Variants in SYT1 observed in about 807,000 individuals in gnomAD.
SYT1 encodes synaptotagmin-1.
In SYT1, 8 loss-of-function variants were observed where a neutral mutation model predicts 44.8. That is an observed-to-expected ratio of 0.18 (90% CI 0.10 to 0.32). The LOEUF (loss-of-function observed/expected upper bound fraction) is 0.32, where lower values mean the gene tolerates loss of function less well. Among genes scored for constraint, SYT1 ranks in the 10% least tolerant of loss-of-function variants. The pLI, the probability that SYT1 is intolerant of heterozygous loss-of-function variation, is 1.00. For missense variants in SYT1, 286 were observed against 509.3 expected, an observed-to-expected ratio of 0.56 and a Z score of 4.22; for synonymous variants, 154 against 188.8, an observed-to-expected ratio of 0.82 and a Z score of 1.51.
At chr12:79,043,719 T>C (rs1002397355) in intron 2 of SYT1, among the ~76,000 whole-genome samples, 13 of 152,188 alleles carry the variant, frequency 8.5e-5, no homozygotes, top group African/African-American at 3.1e-4. Context: ...TTCTTCCTAG[T>C]CTCCATGGTC....
At chr12:78,977,568 T>A (rs112568934) in intron 1 of SYT1, 1 of 152,200 alleles carries the variant, frequency 6.6e-6, no homozygotes, top group Admixed American at 6.5e-5. Flanking sequence ...TTTTGAAATG[T>A]TTGTTCTTCT....
intron 1 of SYT1, among the ~76,000 whole-genome samples, chr12:78,967,592 A>G (rs1307581417): frequency 1.3e-5 from 2 of 152,170 alleles, no homozygotes; most frequent in South Asian, 2.1e-4. Context: ...GAAACACAAA[A>G]TAAGAAAACT....
Position 78,974,030 on chromosome 12 carries a change from A to G in SYT1, c.-216-3769A>G, listed in dbSNP as rs968052661. Among the ~76,000 whole-genome samples, 4 of 135,196 alleles carry G rather than the reference A, an allele frequency of 3.0e-5. No homozygotes were observed. The Admixed American group carries it at 3.1e-4, about 11-fold the overall frequency. The allele number at this position is 135,196 out of a possible 152,430, so 88.7% of individuals were successfully genotyped here. A position where few individuals can be genotyped will look rare whatever the true frequency, so the allele number is the denominator to read the frequency against. ...GACAAGGATATGTTGTGAGAAATGC[A>G]TCATTAGGCATTTTGTCATTGGGTG... On this transcript the variant is annotated intron_variant, in intron 1 of 10. Coordinates refer to ENST00000261205, the MANE Select transcript of SYT1 (RefSeq NM_005639.3).
chr12:79,213,690 C>T (rs1337173563), intron 3 of SYT1, among the ~76,000 whole-genome samples: 5 of 152,214 alleles, frequency 3.3e-5, no homozygotes, highest in African/African-American at 4.8e-5. Flanking sequence ...TTTGGGAGGC[C>T]GAAGCGGGCG....
chr12:79,315,196 T>C (rs1159037551), intron 8 of SYT1, among the ~76,000 whole-genome samples: 3 of 152,142 alleles, frequency 2.0e-5, no homozygotes, highest in African/African-American at 4.8e-5. Context: ...TTCTTTATTA[T>C]TTTTATATTA....
intron 2 of SYT1, among the ~76,000 whole-genome samples, chr12:79,015,811 T>G (rs539402517): frequency 6.6e-6 from 1 of 152,300 alleles, no homozygotes; most frequent in South Asian, 2.1e-4. Context: ...CTATTTAATG[T>G]ATTCTGCTAG....
At chr12:78,898,117 C>T (rs546560792) in intron 1 of SYT1, among the ~76,000 whole-genome samples, 3 of 151,922 alleles carry the variant, frequency 2.0e-5, no homozygotes, top group East Asian at 3.9e-4. Flanking sequence ...CAGATATTTG[C>T]CCTTGCTACA....
chr12:79,214,088 T>G (rs1001416737), intron 3 of SYT1, among the ~76,000 whole-genome samples: 5 of 152,324 alleles, frequency 3.3e-5, no homozygotes, highest in Admixed American at 2.6e-4. Context: ...ACAAACAATA[T>G]TATCTCTCAA....
chr12:79,130,325 C>T (rs1234606555), intron 3 of SYT1, among the ~76,000 whole-genome samples: 5 of 152,142 alleles, frequency 3.3e-5, no homozygotes. Flanking sequence ...AACTGGAACA[C>T]ACAGTTAATC....
chr12:79,220,868 A>C (rs1875118424), intron 4 of SYT1, among the ~76,000 whole-genome samples: 1 of 152,162 alleles, frequency 6.6e-6, no homozygotes, highest in South Asian at 2.1e-4. Context: ...ATTCTGAGGA[A>C]TGTTTCATGT....
intron 1 of SYT1, among the ~76,000 whole-genome samples, chr12:78,891,735 TGCTC>T (rs1875062305): frequency 6.6e-6 from 1 of 151,330 alleles, no homozygotes; most frequent in Non-Finnish European, 1.5e-5. Flanking sequence ...ATTTGAACTG[TGCTC>T]AGGAGGAAGG....
chr12:79,333,786 G>A (rs1415355836), intron 8 of SYT1, among the ~76,000 whole-genome samples: 1 of 152,072 alleles, frequency 6.6e-6, no homozygotes, highest in African/African-American at 2.4e-5. Context: ...CCAGCTCTTT[G>A]TTATAAAAGA....
intron 3 of SYT1, among the ~76,000 whole-genome samples, chr12:79,206,431 A>C (rs1874130998): frequency 6.6e-6 from 1 of 152,210 alleles, no homozygotes; most frequent in Admixed American, 6.5e-5. Flanking sequence ...AACTGTGTTG[A>C]GCGTACGTTG....
intron 3 of SYT1, among the ~76,000 whole-genome samples, chr12:79,138,216 T>C (rs1425765502): frequency 6.6e-6 from 1 of 152,094 alleles, no homozygotes; most frequent in African/African-American, 2.4e-5. Context: ...ATTACTAAAA[T>C]ACACAGAAAA....
intron 10 of SYT1, among the ~76,000 whole-genome samples, chr12:79,446,034 T>TACATATATATATATATGTATATATATA (rs1491131045): frequency 8.7e-5 from 10 of 115,552 alleles, no homozygotes; most frequent in Non-Finnish European, 1.4e-4. Flanking sequence ...TATATATATA[T>TACATATATATATATATGTATATATATA]TATGCCTAGG....
At chr12:79,057,706 C>CA (rs1875068883) in intron 3 of SYT1, among the ~76,000 whole-genome samples, 1 of 151,840 alleles carries the variant, frequency 6.6e-6, no homozygotes, top group South Asian at 2.1e-4. Flanking sequence ...ACTCACCATG[C>CA]AGGGGTGTCC....
chr12:79,376,019 A>G (rs930780768), intron 9 of SYT1, among the ~76,000 whole-genome samples: 5 of 152,184 alleles, frequency 3.3e-5, no homozygotes, highest in Non-Finnish European at 4.4e-5. Context: ...CTATACATCT[A>G]TCTTATCCAT....
intron 3 of SYT1, among the ~76,000 whole-genome samples, chr12:79,168,473 A>C (rs1452280702): frequency 6.6e-6 from 1 of 152,126 alleles, no homozygotes; most frequent in Non-Finnish European, 1.5e-5. Context: ...CACACCCAGC[A>C]CTAAACTTAA....
chr12:79,278,960 A>G (rs1376975184), intron 4 of SYT1, among the ~76,000 whole-genome samples: 3 of 151,730 alleles, frequency 2.0e-5, no homozygotes, highest in Non-Finnish European at 2.9e-5. Context: ...AATCAGGAAG[A>G]AATAGAACTC....
Sources: allele counts gnomAD v4.1 joint callset (sites outside exome capture counted in the v4.1 genomes callset), GRCh38; gene constraint gnomAD v4.1.1; transcripts MANE v1.5; gene names NCBI Gene and HGNC (gene_info 2026-07-23, HGNC 2026-07-21).